KLHL10: variants seen among roughly 807,000 people sequenced by gnomAD.
The protein encoded by KLHL10 is kelch-like protein 10.
KLHL10 carries 11 observed loss-of-function variants against 46.6 expected under a neutral mutation model. That is an observed-to-expected ratio of 0.24 (90% CI 0.15 to 0.39). The LOEUF (loss-of-function observed/expected upper bound fraction) is 0.39, where lower values mean the gene tolerates loss of function less well. Ranked by LOEUF, KLHL10 falls within the 10% of genes least tolerant of loss-of-function variation. The probability of loss-of-function intolerance (pLI) is 1.00; values close to 1 mark genes in which losing one functional copy is unlikely to be tolerated. For missense variants in KLHL10, 475 were observed against 789.8 expected (o/e 0.60, Z 4.78); for synonymous variants, 254 against 279.1 (o/e 0.91, Z 0.90).
At chr17:41,839,207 G>T (rs1324439078) in intron 1 of KLHL10, among the ~76,000 whole-genome samples, 1 of 152,080 alleles carries the variant, frequency 6.6e-6, no homozygotes, top group Non-Finnish European at 1.5e-5. Flanking sequence ...GGTCAGTCTG[G>T]TCTCGAACAC....
At chr17:41,847,092 A>G (rs1419157453) in intron 3 of KLHL10, among the ~76,000 whole-genome samples, 169 bp from the exon 4 acceptor site, 1 of 152,182 alleles carries the variant, frequency 6.6e-6, no homozygotes, top group Non-Finnish European at 1.5e-5. Flanking sequence ...TGGGTGACAG[A>G]GCGAGACTCT....
Position 41,841,931 on chromosome 17 carries a change from C to T in KLHL10, c.303C>T (p.Thr101=), listed in dbSNP as rs555345120. The change falls in exon 2 of 5, where the codon ACC becomes ACT. Residue 101 remains threonine (T), a synonymous_variant. Coordinates refer to ENST00000293303, the MANE Select transcript of KLHL10 (RefSeq NM_152467.5). The part of the protein sequence containing the change: ...KLIIEYAYTR[T]VPITPDNVEK... ...TCATTGAGTATGCATACACCCGGACCGTGCCTATCACACCGGACAATGTGG... is the reference window on the plus strand; with the variant it reads ...TCATTGAGTATGCATACACCCGGACTGTGCCTATCACACCGGACAATGTGG... 37 of 1,614,078 alleles carry T rather than the reference C, an allele frequency of 2.3e-5. No individual in the cohort carries two copies. The highest frequency in any genetic ancestry group is 1.1e-4 in the African/African-American group (8 of 74,926).
upstream of KLHL10, chr17:41,837,530 A>G: frequency 5.9e-6 from 6 of 1,024,566 alleles, no homozygotes; most frequent in Non-Finnish European, 7.0e-6. Context: ...GTGTCTAGGG[A>G]GCCAAGTGTT....
At chr17:41,843,829 G>A (rs184465362) in intron 2 of KLHL10, among the ~76,000 whole-genome samples, 40 of 148,320 alleles carry the variant, frequency 2.7e-4, no homozygotes, top group African/African-American at 9.2e-4. Flanking sequence ...TGATGCGATC[G>A]CGGCTCACTG....
At chr17:41,835,711 C>G, upstream of KLHL10, 1 of 861,798 alleles carries the variant, frequency 1.2e-6, no homozygotes, top group Non-Finnish European at 1.9e-6. Context: ...GACAGGCGAA[C>G]CAACCCGCTC....
At chr17:41,847,819 CATGGAAGATA>C (rs2048305659) in intron 4 of KLHL10, 104 bp from the exon 5 acceptor site, 2 of 1,451,174 alleles carry the variant, frequency 1.4e-6, no homozygotes, top group Non-Finnish European at 1.9e-6. Context: ...AGCTTTTTTT[CATGGAAGATA>C]ATGGAAGAGG....
chr17:41,848,005 A>G lies in KLHL10; in HGVS notation c.1525A>G (p.Thr509Ala), dbSNP rs2048307721. 1.2e-6 allele frequency: 2 copies of G among 1,614,246 alleles called. No homozygotes were observed. Among genetic ancestry groups the G allele is most frequent in the Non-Finnish European group, 1.7e-6 (2 of 1,180,044 alleles). Residue 509 changes from threonine (T) to alanine (A), a missense_variant, in exon 5 of 5, where the codon ACA (threonine) becomes GCA (alanine). Physicochemically the swap from Thr to Ala is moderately conservative, Grantham distance 58 (BLOSUM62 0). Transcript: ENST00000293303. The stretch of plus-strand genomic sequence containing the variant: ...CAGCCCTGTGGCTAACACTTGGCGC[A>G]CAATCCCCACTATGTTTAATCCTCG... ...AYSPVANTWR[T>A]IPTMFNPRSN...
At chr17:41,847,909 C>T in intron 4 of KLHL10, 24 bp from the exon 5 acceptor site, 1 of 1,613,412 alleles carries the variant, frequency 6.2e-7, no homozygotes, top group Non-Finnish European at 8.5e-7. Context: ...TAGCAGTCAA[C>T]CGTGTTTCTT....
intron 2 of KLHL10, among the ~76,000 whole-genome samples, chr17:41,844,769 G>C (rs574736028): frequency 1.3e-5 from 2 of 151,842 alleles, no homozygotes; most frequent in African/African-American, 4.8e-5. Context: ...GCCTGGTCTA[G>C]AACTCCTGAC....
chr17:41,840,147 C>G (rs1265044750), intron 1 of KLHL10, among the ~76,000 whole-genome samples: 1 of 152,174 alleles, frequency 6.6e-6, no homozygotes, highest in Admixed American at 6.6e-5. Flanking sequence ...AGAAATAGAC[C>G]AAATAGTAAT....
At chr17:41,844,891 G>A in intron 2 of KLHL10, among the ~76,000 whole-genome samples, 1 of 151,922 alleles carries the variant, frequency 6.6e-6, no homozygotes, top group East Asian at 1.9e-4. Flanking sequence ...TTGCTATGTT[G>A]CCAGGCTGGT....
intron 1 of KLHL10, among the ~76,000 whole-genome samples, chr17:41,838,968 CATTA>C: frequency 6.6e-6 from 1 of 152,046 alleles, no homozygotes; most frequent in African/African-American, 2.4e-5. Flanking sequence ...GGATTACAGG[CATTA>C]GCCACCGCGC....
At chr17:41,843,184 G>T (rs1042090056) in intron 2 of KLHL10, among the ~76,000 whole-genome samples, 4 of 151,374 alleles carry the variant, frequency 2.6e-5, no homozygotes, top group African/African-American at 9.7e-5. Flanking sequence ...TCCTTTCTAT[G>T]AATTTCTCCA....
intron 2 of KLHL10, among the ~76,000 whole-genome samples, chr17:41,843,366 A>T (rs2048246479): frequency 1.3e-5 from 2 of 150,946 alleles, no homozygotes; most frequent in Admixed American, 6.6e-5. Flanking sequence ...TTAGCTAGGT[A>T]TGGTGGTGCA....
intron 2 of KLHL10, 122 bp downstream of exon 2, chr17:41,842,434 T>G: frequency 2.4e-6 from 3 of 1,250,170 alleles, no homozygotes; most frequent in African/African-American, 1.5e-5. Context: ...TACTATTCTC[T>G]GGAATTTTGC....
At chr17:41,836,221 C>T (rs1386005201), upstream of KLHL10, 6 of 1,209,740 alleles carry the variant, frequency 5.0e-6, no homozygotes, top group Middle Eastern at 3.0e-4. Flanking sequence ...CGGCGGCTCG[C>T]GGGACAACGA....
At chr17:41,847,793 C>T in intron 4 of KLHL10, 140 bp from the exon 5 acceptor site, 1 of 1,170,644 alleles carries the variant, frequency 8.5e-7, no homozygotes, top group Non-Finnish European at 1.3e-6. Context: ...GCGTGAGCCA[C>T]TGCACCCGGC....
At chr17:41,843,685 G>T (rs966385895) in intron 2 of KLHL10, among the ~76,000 whole-genome samples, 1 of 152,044 alleles carries the variant, frequency 6.6e-6, no homozygotes, top group African/African-American at 2.4e-5. Flanking sequence ...GCCACTTGAG[G>T]TGCCTTCTAT....
At chr17:41,838,580 T>C (rs2048192896) in intron 1 of KLHL10, among the ~76,000 whole-genome samples, 1 of 150,376 alleles carries the variant, frequency 6.6e-6, no homozygotes, top group African/African-American at 2.4e-5. Context: ...AGCTCCTGCC[T>C]GGCTCCTTTG....
Sources: allele counts gnomAD v4.1 joint callset (sites outside exome capture counted in the v4.1 genomes callset), GRCh38; gene constraint gnomAD v4.1.1; transcripts MANE v1.5; gene names NCBI Gene and HGNC (gene_info 2026-07-23, HGNC 2026-07-21).